Variants in TTC27 observed in about 807,000 individuals in gnomAD.
TTC27 encodes the protein tetratricopeptide repeat domain 27, also known as tetratricopeptide repeat protein 27.
Under a neutral mutation model 115.9 loss-of-function variants are expected in TTC27, and 79 were observed. That is an observed-to-expected ratio of 0.68 (90% CI 0.57 to 0.82). The LOEUF (loss-of-function observed/expected upper bound fraction) is 0.82. TTC27 is among the 40% of genes least tolerant of loss of function. The pLI is 0.00. For synonymous variants in TTC27, 401 were observed against 356.0 expected, an observed-to-expected ratio of 1.13 and a Z score of -1.42; for missense variants, 1,054 against 993.1, an observed-to-expected ratio of 1.06 and a Z score of -0.82.
At chr2:32,798,409 AAAG>A (rs1432460026) in intron 16 of TTC27, among the ~76,000 whole-genome samples, 1 of 142,928 alleles carries the variant, frequency 7.0e-6, no homozygotes, top group African/African-American at 2.6e-5. Context: ...CAAAAAAAAG[AAAG>A]AAAGAAAATG....
At chr2:32,810,958 T>C (rs1671296226) in intron 16 of TTC27, 66 bp from the exon 17 acceptor site, 3 of 1,519,104 alleles carry the variant, frequency 2.0e-6, no homozygotes, top group Non-Finnish European at 2.7e-6. Context: ...GATGGTGAGA[T>C]AGCTCTTTGT....
intron 8 of TTC27, 76 bp downstream of exon 8, chr2:32,672,460 A>T: frequency 8.5e-7 from 1 of 1,170,902 alleles, no homozygotes; most frequent in Non-Finnish European, 1.3e-6. Flanking sequence ...TCTTTATTCA[A>T]GGAGGTTCCA....
At chr2:32,787,392 T>C (rs910412853) in intron 16 of TTC27, among the ~76,000 whole-genome samples, 1 of 152,216 alleles carries the variant, frequency 6.6e-6, no homozygotes, top group Admixed American at 6.5e-5. Flanking sequence ...AAATCTGATA[T>C]GTGGGTTACA....
At position 32,645,787 on chromosome 2, in the gene TTC27, G is replaced by C. The variant is rs1243248677; in HGVS notation, c.538-4344G>C. 4.6e-5 allele frequency among the ~76,000 whole-genome samples: 7 copies of C among 151,692 alleles called. No individual in the cohort carries two copies. The East Asian group carries it at 1.4e-3, about 29-fold the overall frequency. On this transcript the variant is annotated intron_variant, in intron 4 of 19. Transcript: ENST00000317907. ...GCTGGAGTGCAGTGGCGTGATCTCA[G>C]CTCAGTGCAACCTCCGCCTCCCGGG...
intron 10 of TTC27, among the ~76,000 whole-genome samples, chr2:32,727,365 A>G (rs541660174): frequency 6.6e-6 from 1 of 152,344 alleles, no homozygotes; most frequent in African/African-American, 2.4e-5. Flanking sequence ...CTGACCAGTG[A>G]GTACTTTCTT....
chr2:32,734,773 A>C (rs1007912328), intron 11 of TTC27, among the ~76,000 whole-genome samples: 1 of 152,118 alleles, frequency 6.6e-6, no homozygotes. Flanking sequence ...CCTCACTTTT[A>C]ATCTATCTCT....
chr2:32,803,761 G>T (rs1281450524), intron 16 of TTC27, among the ~76,000 whole-genome samples: 2 of 152,110 alleles, frequency 1.3e-5, no homozygotes. Flanking sequence ...TGTAATCCCA[G>T]CACTTTGGGA....
chr2:32,730,094 C>T (rs1372356867), intron 10 of TTC27, among the ~76,000 whole-genome samples: 1 of 152,180 alleles, frequency 6.6e-6, no homozygotes, highest in African/African-American at 2.4e-5. Flanking sequence ...CACGTGCATT[C>T]AGTCCCATTC....
At chr2:32,702,669 T>C in intron 9 of TTC27, 138 bp from the exon 10 acceptor site, 3 of 608,392 alleles carry the variant, frequency 4.9e-6, no homozygotes, top group Non-Finnish European at 8.8e-6. Flanking sequence ...AAAAGAGAAC[T>C]TTTTGTTAAC....
At chr2:32,816,943 C>T (rs139914027) in intron 18 of TTC27, among the ~76,000 whole-genome samples, 355 of 152,242 alleles carry the variant, frequency 2.3e-3, no homozygotes, top group African/African-American at 7.9e-3. Context: ...TATTTTGTCT[C>T]CTTGCCTAAT....
chr2:32,707,301 G>A (rs1384889033), intron 10 of TTC27, among the ~76,000 whole-genome samples: 1 of 152,168 alleles, frequency 6.6e-6, no homozygotes, highest in Non-Finnish European at 1.5e-5. Flanking sequence ...AAGGGTAGAA[G>A]GCAAAAGGAA....
At chr2:32,779,439 A>G (rs1015102942) in intron 14 of TTC27, among the ~76,000 whole-genome samples, 3 of 152,164 alleles carry the variant, frequency 2.0e-5, no homozygotes, top group African/African-American at 7.2e-5. Flanking sequence ...CCATTCGTAT[A>G]TCCTCTTTGG....
rs773083248 is a variant in TTC27 at position 32,758,494 on chromosome 2, G to A, written c.1655G>A (p.Arg552His). ...EFQECVECFERSVKINPMQLG... is the reference protein window; with the variant it reads ...EFQECVECFEHSVKINPMQLG... ...CAAGAGTGTGTAGAGTGCTTCGAAC[G>A]CTCGGTTAAGATTAATCCCATGCAG... is the stretch of plus-strand genomic sequence containing the variant. The change falls in exon 13 of 20, where the codon CGC becomes CAC. Residue 552 changes from arginine (R) to histidine (H), a missense_variant. Arg to His is a conservative substitution (Grantham distance 29, BLOSUM62 0). Coordinates refer to ENST00000317907, the MANE Select transcript of TTC27 (RefSeq NM_017735.5). 5.6e-6 allele frequency: 9 copies of A among 1,614,090 alleles called. No homozygotes were observed. The Admixed American group carries it at 6.7e-5, about 12-fold the overall frequency.
In TTC27 at chr2:32,820,960, GA is replaced by G; in HGVS notation, c.*26del. 2 of 1,239,476 alleles carry G rather than the reference GA, an allele frequency of 1.6e-6. No homozygotes were observed. The highest frequency in any genetic ancestry group is 3.3e-5 in the East Asian group (1 of 30,306). 76.8% of individuals were successfully genotyped at this position (1,239,476 alleles called of 1,614,324 possible). A position where few individuals can be genotyped will look rare whatever the true frequency, so the allele number is the denominator to read the frequency against. ...TTGATTCTGCTGGAAGCAGATTCTG[GA>G]AAAGGTGCTTTCACCTGCTGGTAAA... On this transcript the variant is annotated 3_prime_UTR_variant, in exon 20 of 20. Transcript: ENST00000317907.
At chr2:32,695,882 C>G (rs1666969303) in intron 9 of TTC27, among the ~76,000 whole-genome samples, 1 of 149,718 alleles carries the variant, frequency 6.7e-6, no homozygotes, top group Admixed American at 6.7e-5. Flanking sequence ...CTAGCCTGGG[C>G]AACAAGAGTA....
intron 15 of TTC27, among the ~76,000 whole-genome samples, chr2:32,784,811 C>A (rs914923269): frequency 1.3e-5 from 2 of 152,056 alleles, no homozygotes; most frequent in African/African-American, 4.8e-5. Flanking sequence ...CACCCCCAAC[C>A]CCTGTGGATG....
intron 18 of TTC27, among the ~76,000 whole-genome samples, chr2:32,816,400 C>A (rs1182332803): frequency 1.3e-5 from 2 of 151,998 alleles, no homozygotes; most frequent in African/African-American, 4.8e-5. Flanking sequence ...TGTTTAGTGT[C>A]ATTTTAAAGG....
chr2:32,631,647 A>G (rs1664216216), intron 2 of TTC27, among the ~76,000 whole-genome samples: 1 of 152,076 alleles, frequency 6.6e-6, no homozygotes, highest in African/African-American at 2.4e-5. Flanking sequence ...TTTTACCATT[A>G]TTTCTAGGAA....
rs569497540 is a variant in TTC27 at position 32,635,823 on chromosome 2, T to G, written c.396+1818T>G. Among the ~76,000 whole-genome samples the G allele has an allele frequency of 5.8e-4, 89 of 152,298 alleles. 1 individual carries two copies. In the South Asian group the frequency reaches 0.018, roughly 30 times the overall value. On this transcript the variant is annotated intron_variant, in intron 3 of 19. Coordinates refer to ENST00000317907, the MANE Select transcript of TTC27 (RefSeq NM_017735.5). ...AGCATAAAGTGAAAACCACAATAAT[T>G]AACTCTTTGCATATCAGCTTAGTGA...
Sources: allele counts gnomAD v4.1 joint callset (sites outside exome capture counted in the v4.1 genomes callset), GRCh38; gene constraint gnomAD v4.1.1; transcripts MANE v1.5; gene names NCBI Gene and HGNC (gene_info 2026-07-23, HGNC 2026-07-21).